MCTP2: variants seen among roughly 807,000 people sequenced by gnomAD.
MCTP2 encodes multiple C2 and transmembrane domain-containing protein 2.
A neutral mutation model predicts 111.6 loss-of-function variants in MCTP2; 132 were observed. The ratio of observed to expected loss-of-function variants is 1.18; its 90% CI spans 1.03 to 1.37. MCTP2 has a LOEUF of 1.37. MCTP2 is among the 40% of genes most tolerant of loss of function. The pLI is 0.00. For synonymous variants in MCTP2, 395 were observed against 387.7 expected (o/e 1.02, Z -0.22); for missense variants, 1,183 against 1,067.9 (o/e 1.11, Z -1.50).
chr15:94,321,804 C>A (rs73462097), intron 4 of MCTP2, among the ~76,000 whole-genome samples: 1 of 152,178 alleles, frequency 6.6e-6, no homozygotes, highest in Non-Finnish European at 1.5e-5. Flanking sequence ...GACCAGAAGC[C>A]TTACTGATAA....
intron 1 of MCTP2, among the ~76,000 whole-genome samples, chr15:94,278,909 C>T (rs1328630416): frequency 6.6e-6 from 1 of 152,090 alleles, no homozygotes; most frequent in Non-Finnish European, 1.5e-5. Flanking sequence ...GTCCTTTCTC[C>T]ATTGCTTGTT....
chr15:94,275,664 C>A (rs2074151250), intron 1 of MCTP2, among the ~76,000 whole-genome samples: 1 of 151,864 alleles, frequency 6.6e-6, no homozygotes, highest in African/African-American at 2.4e-5. Flanking sequence ...CTGTTCTGGA[C>A]CCTTTACATT....
At chr15:94,353,555 T>C (rs2078434291) in intron 8 of MCTP2, among the ~76,000 whole-genome samples, 1 of 152,246 alleles carries the variant, frequency 6.6e-6, no homozygotes. Flanking sequence ...GCCATTTTTC[T>C]TAAGCAATTG....
intron 1 of MCTP2, among the ~76,000 whole-genome samples, chr15:94,295,534 A>G (rs1224899232): frequency 6.6e-6 from 1 of 152,098 alleles, no homozygotes; most frequent in East Asian, 1.9e-4. Flanking sequence ...TATTTCACAC[A>G]TGTGCTGAGT....
intron 17 of MCTP2, among the ~76,000 whole-genome samples, chr15:94,436,322 C>A (rs1444502891): frequency 6.6e-6 from 1 of 152,202 alleles, no homozygotes; most frequent in Non-Finnish European, 1.5e-5. Flanking sequence ...TTCCAAGTTA[C>A]AACTCTTTCT....
chr15:94,308,601 C>A (rs1035704526), intron 2 of MCTP2, among the ~76,000 whole-genome samples: 1 of 152,160 alleles, frequency 6.6e-6, no homozygotes, highest in Non-Finnish European at 1.5e-5. Context: ...GTACAAGCAA[C>A]CATTTTTTAA....
intron 1 of MCTP2, among the ~76,000 whole-genome samples, chr15:94,279,448 ATT>A (rs34280644): frequency 6.7e-6 from 1 of 149,928 alleles, no homozygotes; most frequent in African/African-American, 2.4e-5. Flanking sequence ...AATGTTACTG[ATT>A]TTTTTTTTAC....
At chr15:94,379,264 T>TG (rs2079962515) in intron 12 of MCTP2, among the ~76,000 whole-genome samples, 1 of 151,874 alleles carries the variant, frequency 6.6e-6, no homozygotes, top group South Asian at 2.1e-4. Flanking sequence ...TGGTGAACAG[T>TG]GGGTAGATAA....
intron 14 of MCTP2, among the ~76,000 whole-genome samples, chr15:94,396,921 C>A (rs1291687499): frequency 6.6e-6 from 1 of 152,084 alleles, no homozygotes; most frequent in African/African-American, 2.4e-5. Context: ...AAAATACACA[C>A]AATTTGTCAC....
At chr15:94,379,168 GC>G (rs1195586216) in intron 12 of MCTP2, among the ~76,000 whole-genome samples, 1 of 151,916 alleles carries the variant, frequency 6.6e-6, no homozygotes, top group Non-Finnish European at 1.5e-5. Flanking sequence ...GCAGAAATGA[GC>G]CCTGTTACTC....
rs34193492 is a variant in MCTP2 at position 94,479,026 on chromosome 15, G to A, written c.2629G>A (p.Ala877Thr). The change falls in exon 23 of 23, where the codon GCT (alanine) becomes ACT (threonine). Residue 877 changes from alanine to threonine, a missense_variant. Coordinates refer to ENST00000357742, the MANE Select transcript of MCTP2 (RefSeq NM_001385001.1). Reference protein sequence around the residue: ...SHSPLRKKRSAL With the variant: ...SHSPLRKKRSTL ...CAGCCCCCTGCGGAAGAAGCGCAGC[G>A]CTCTCTAGGGCACACACCGACTTTG... The A allele has an allele frequency of 1.4e-3, 2,289 of 1,613,990 alleles. 25 individuals are homozygous for A. The African/African-American group carries it at 0.024, about 17-fold the overall frequency.
At position 94,326,828 on chromosome 15, in the gene MCTP2, A is replaced by G. The variant is rs6497201; in HGVS notation, c.637+11191A>G. Among the ~76,000 whole-genome samples, 19 of 64,258 alleles carry G rather than the reference A, an allele frequency of 3.0e-4. 1 individual carries two copies. The East Asian group carries it at 4.8e-3, about 16-fold the overall frequency. The allele number at this position is 64,258 out of a possible 152,430, so 42.2% of individuals were successfully genotyped here. The stretch of plus-strand genomic sequence containing the variant: ...GGTGATCCCCGCCCCACCCCCCCCC[A>G]ACCTCGGCCTCCCAAAGTGCTGGGA... On this transcript the variant is annotated intron_variant, in intron 4 of 22. Coordinates refer to ENST00000357742, the MANE Select transcript of MCTP2 (RefSeq NM_001385001.1).
intron 17 of MCTP2, among the ~76,000 whole-genome samples, chr15:94,419,881 C>T (rs1194846541): frequency 2.0e-5 from 3 of 151,414 alleles, no homozygotes; most frequent in South Asian, 2.1e-4. Flanking sequence ...AAGGTGGCTA[C>T]ACTAAACAAC....
chr15:94,450,220 C>CTAT (rs1319102640), intron 19 of MCTP2, among the ~76,000 whole-genome samples: 2 of 152,180 alleles, frequency 1.3e-5, no homozygotes, highest in African/African-American at 4.8e-5. Flanking sequence ...AATCCAAATA[C>CTAT]TATTTTATAT....
chr15:94,480,183 T>C lies in MCTP2; in HGVS notation c.*1149T>C, dbSNP rs1033556685. Reference sequence around the variant, plus strand: ...TGACTTTGTGCGTATATAAAATGTATGCAATTAAGTCTGTTTAAATGATAT... The same window carrying C: ...TGACTTTGTGCGTATATAAAATGTACGCAATTAAGTCTGTTTAAATGATAT... On this transcript the variant is annotated 3_prime_UTR_variant, in exon 23 of 23. Transcript: ENST00000357742. 3.3e-5 allele frequency: 5 copies of C among 152,228 alleles called. No homozygotes were observed. Among genetic ancestry groups the C allele is most frequent in the Admixed American group, 6.5e-5 (1 of 15,284 alleles). 9.4% of individuals were successfully genotyped at this position (152,228 alleles called of 1,614,324 possible). A position where few individuals can be genotyped will look rare whatever the true frequency, so the allele number is the denominator to read the frequency against.
At chr15:94,319,148 A>G (rs2076515372) in intron 4 of MCTP2, among the ~76,000 whole-genome samples, 1 of 151,072 alleles carries the variant, frequency 6.6e-6, no homozygotes, top group African/African-American at 2.4e-5. Context: ...ATGCCTTCCT[A>G]TGCTCTGACT....
intron 1 of MCTP2, among the ~76,000 whole-genome samples, chr15:94,245,402 GTATATATTTATATACATGTGTGTATA>G (rs1437531556): frequency 5.9e-5 from 3 of 50,840 alleles, no homozygotes; most frequent in African/African-American, 6.8e-5. Context: ...ATACATGTGT[GTATATATTTATATACATGTGTGTATA>G]TATTTATATA....
At chr15:94,299,751 T>C (rs747676164) in intron 2 of MCTP2, among the ~76,000 whole-genome samples, 2 of 152,218 alleles carry the variant, frequency 1.3e-5, no homozygotes, top group Non-Finnish European at 2.9e-5. Flanking sequence ...AGAAAACTGG[T>C]TGTTTAACTT....
At chr15:94,243,264 T>C (rs1282140980) in intron 1 of MCTP2, among the ~76,000 whole-genome samples, 2 of 149,334 alleles carry the variant, frequency 1.3e-5, no homozygotes, top group African/African-American at 4.9e-5. Context: ...TATACATACA[T>C]ACGTATGCGT....
Sources: gnomAD v4.1 joint callset for allele counts (sites outside exome capture counted in the v4.1 genomes callset) on GRCh38, gnomAD v4.1.1 for gene constraint, MANE v1.5 for transcripts, NCBI Gene and HGNC (gene_info 2026-07-23, HGNC 2026-07-21) for gene names.